Variants in COL19A1 observed in about 807,000 individuals in gnomAD.
The protein encoded by COL19A1 is collagen type XIX alpha 1 chain, also known as collagen alpha-1(XIX) chain.
A neutral mutation model predicts 190.2 loss-of-function variants in COL19A1; 159 were observed. The ratio of observed to expected loss-of-function variants is 0.84; its 90% confidence interval spans 0.73 to 0.95. The LOEUF (loss-of-function observed/expected upper bound fraction) is 0.95, where lower values mean the gene tolerates loss of function less well. Among genes scored for constraint, COL19A1 ranks in the 40% least tolerant of loss-of-function variants. The pLI is 0.00. For missense variants in COL19A1, 1,418 were observed against 1,431.9 expected (o/e 0.99, Z 0.16); for synonymous variants, 509 against 458.9 (o/e 1.11, Z -1.39).
chr6:70,103,006 A>G (rs80287040), intron 16 of COL19A1, among the ~76,000 whole-genome samples: 2 of 152,046 alleles, frequency 1.3e-5, no homozygotes, highest in African/African-American at 4.8e-5. Context: ...CTCCATTAAC[A>G]GCTTTTCTTC....
intron 48 of COL19A1, among the ~76,000 whole-genome samples, chr6:70,193,034 G>A (rs2150300022): frequency 6.6e-6 from 1 of 151,762 alleles, no homozygotes; most frequent in East Asian, 1.9e-4. Flanking sequence ...ATATTTAATA[G>A]TCAGTAATTA....
At chr6:70,158,949 A>T (rs971968783) in intron 34 of COL19A1, among the ~76,000 whole-genome samples, 1 of 152,114 alleles carries the variant, frequency 6.6e-6, no homozygotes, top group Non-Finnish European at 1.5e-5. Context: ...ATGCATCCAT[A>T]GTAACTTTCA....
chr6:70,161,076 C>T (rs957099798), intron 34 of COL19A1, among the ~76,000 whole-genome samples: 2 of 152,038 alleles, frequency 1.3e-5, no homozygotes, highest in Non-Finnish European at 2.9e-5. Flanking sequence ...AAATCCTATC[C>T]GGTATAATTA....
rs557658359 is a variant in COL19A1, at chr6:69,910,970, T to G, written c.266+10632T>G. Among the ~76,000 whole-genome samples, 19 of 152,318 alleles carry G rather than the reference T, an allele frequency of 1.2e-4. No homozygotes were observed. The East Asian group carries it at 3.7e-3, about 29-fold the overall frequency. ...CCTACAAATAAGCATGGTCTTAAAT[T>G]TATGAATTAGAGAATTGACCTTTAA... On this transcript the variant is annotated intron_variant, in intron 4 of 50. Transcript: ENST00000620364.
intron 15 of COL19A1, among the ~76,000 whole-genome samples, chr6:70,096,345 C>T (rs144764684): frequency 3.9e-5 from 6 of 152,016 alleles, no homozygotes; most frequent in East Asian, 1.9e-4. Flanking sequence ...CCACCCTCCT[C>T]GGCCTCCCAA....
At chr6:69,984,875 C>G (rs1364967094) in intron 11 of COL19A1, among the ~76,000 whole-genome samples, 1 of 152,036 alleles carries the variant, frequency 6.6e-6, no homozygotes, top group African/African-American at 2.4e-5. Context: ...CTGAGATTAG[C>G]CAGCCTAAAA....
intron 4 of COL19A1, among the ~76,000 whole-genome samples, chr6:69,912,212 TC>T (rs1362204058): frequency 6.6e-6 from 1 of 152,184 alleles, no homozygotes; most frequent in Non-Finnish European, 1.5e-5. Context: ...CCTTCAAGTT[TC>T]CTTCTTTTTT....
At chr6:69,995,897 A>C (rs1162783400) in intron 11 of COL19A1, among the ~76,000 whole-genome samples, 1 of 152,156 alleles carries the variant, frequency 6.6e-6, no homozygotes, top group Non-Finnish European at 1.5e-5. Flanking sequence ...ATATGTCACA[A>C]ATGCAATTAG....
intron 9 of COL19A1, among the ~76,000 whole-genome samples, chr6:69,938,924 A>G (rs996525147): frequency 6.6e-6 from 1 of 152,274 alleles, no homozygotes; most frequent in Non-Finnish European, 1.5e-5. Context: ...CCAAGGTAAA[A>G]TAGATTTTAA....
intron 15 of COL19A1, among the ~76,000 whole-genome samples, chr6:70,079,461 A>G (rs1782101472): frequency 6.6e-6 from 1 of 152,206 alleles, no homozygotes; most frequent in Admixed American, 6.5e-5. Context: ...CAAGGGAGAA[A>G]CTAGAAAGAA....
chr6:70,204,157 T>A (rs1252450409), intron 49 of COL19A1, among the ~76,000 whole-genome samples: 1 of 152,116 alleles, frequency 6.6e-6, no homozygotes, highest in African/African-American at 2.4e-5. Context: ...CACTGTGCCT[T>A]GCCCATCCTG....
At chr6:70,098,760 G>T in intron 15 of COL19A1, 1 of 203,004 alleles carries the variant, frequency 4.9e-6, no homozygotes, top group Non-Finnish European at 1.0e-5. Flanking sequence ...CTTTTAAGTA[G>T]AAGATAGATG....
At chr6:69,921,119 A>AT (rs1432111299) in intron 4 of COL19A1, among the ~76,000 whole-genome samples, 22 of 114,728 alleles carry the variant, frequency 1.9e-4, no homozygotes, top group African/African-American at 6.6e-4. Flanking sequence ...ATACATATAT[A>AT]TCACATATGT....
Position 70,154,153 on chromosome 6 carries a change from CTGTGTCCA to C in COL19A1, c.2080-1968_2080-1961del, listed in dbSNP as rs540090316. ...GCCCCAGTGTGTGATGTTCCCCTCC[CTGTGTCCA>C]TGTGTTCTCATTGTTCAGCTCCCAC... On this transcript the variant is annotated intron_variant, in intron 31 of 50. Coordinates refer to ENST00000620364, the MANE Select transcript of COL19A1 (RefSeq NM_001858.6). Among the ~76,000 whole-genome samples the C allele has an allele frequency of 8.6e-3, 1,291 of 150,330 alleles. 19 individuals are homozygous for C. Among genetic ancestry groups the C allele is most frequent in the African/African-American group, 0.03 (1,230 of 40,658 alleles).
chr6:70,028,360 G>T (rs1778839801), intron 12 of COL19A1, among the ~76,000 whole-genome samples: 1 of 152,090 alleles, frequency 6.6e-6, no homozygotes, highest in Non-Finnish European at 1.5e-5. Flanking sequence ...AAAGGTGAAG[G>T]CTGGACCTCC....
intron 2 of COL19A1, among the ~76,000 whole-genome samples, chr6:69,886,066 A>G (rs1252721098): frequency 6.6e-6 from 1 of 152,238 alleles, no homozygotes; most frequent in Non-Finnish European, 1.5e-5. Flanking sequence ...CTGGGAAAAA[A>G]TAATTGCAAA....
At chr6:69,972,324 T>C (rs1169357418) in intron 11 of COL19A1, among the ~76,000 whole-genome samples, 2 of 152,230 alleles carry the variant, frequency 1.3e-5, no homozygotes, top group Non-Finnish European at 2.9e-5. Context: ...ATTATAAATA[T>C]ACTGGCATGA....
At chr6:70,074,463 T>A (rs1781745152) in intron 15 of COL19A1, among the ~76,000 whole-genome samples, 1 of 128,354 alleles carries the variant, frequency 7.8e-6, no homozygotes, top group South Asian at 2.5e-4. Context: ...TGTGCCACTA[T>A]ACTCCAGCCT....
intron 46 of COL19A1, 99 bp from the exon 47 acceptor site, chr6:70,187,976 C>T (rs1457257748): frequency 1.5e-6 from 2 of 1,372,904 alleles, no homozygotes; most frequent in Non-Finnish European, 2.0e-6. Context: ...ATACAAGGCC[C>T]AACAGCTAAT....
Sources: gnomAD v4.1 joint callset for allele counts (sites outside exome capture counted in the v4.1 genomes callset) on GRCh38, gnomAD v4.1.1 for gene constraint, MANE v1.5 for transcripts, NCBI Gene and HGNC (gene_info 2026-07-23, HGNC 2026-07-21) for gene names.